The following RAB3B variants were observed in gnomAD, a reference collection of about 807,000 sequenced individuals.
RAB3B encodes ras-related protein Rab-3B.
RAB3B carries 11 observed loss-of-function variants against 20.5 expected under a neutral mutation model. The observed-to-expected ratio is 0.54, with a 90% CI of 0.34 to 0.89. The LOEUF (loss-of-function observed/expected upper bound fraction) is 0.89, where lower values mean the gene tolerates loss of function less well. Ranked by LOEUF, RAB3B falls within the 40% of genes least tolerant of loss-of-function variation. The pLI is 0.02. For synonymous variants in RAB3B, 99 were observed against 106.3 expected, an observed-to-expected ratio of 0.93 and a Z score of 0.42; for missense variants, 225 against 280.9, an observed-to-expected ratio of 0.80 and a Z score of 1.42.
chr1:51,919,359 G>A lies in RAB3B; in HGVS notation c.*568C>T, dbSNP rs1684135867. On this transcript the variant is annotated 3_prime_UTR_variant, in exon 5 of 5. Transcript: ENST00000371655. ...CATTAGAGAGTCTGAGCTCTCTGAA[G>A]ATTAGCTCTTCCTGTCGCCACAGCA... The A allele has an allele frequency of 6.6e-6, 1 of 152,426 alleles. No individual in the cohort carries two copies. The allele number at this position is 152,426 out of a possible 1,614,324, so 9.4% of individuals were successfully genotyped here. A position where few individuals can be genotyped will look rare whatever the true frequency, so the allele number is the denominator to read the frequency against.
At chr1:51,937,065 C>T (rs543961417) in intron 3 of RAB3B, among the ~76,000 whole-genome samples, 7 of 152,218 alleles carry the variant, frequency 4.6e-5, no homozygotes, top group African/African-American at 9.6e-5. Flanking sequence ...CTGGCTGCCT[C>T]GGCCTCCCAA....
Position 51,978,226 on chromosome 1 carries a change from A to G in RAB3B, c.1-1109T>C, listed in dbSNP as rs192667265. 2.2e-4 allele frequency among the ~76,000 whole-genome samples: 34 copies of G among 152,340 alleles called. No individual in the cohort carries two copies. The East Asian group carries it at 5.8e-3, about 26-fold the overall frequency. ...TGGCTTCCAGCATGAATCCTAGCAC[A>G]TAATAAGCACTCAGGAAATGTGTGC... is the stretch of plus-strand genomic sequence containing the variant. On this transcript the variant is annotated intron_variant, in intron 1 of 4. Coordinates refer to ENST00000371655, the MANE Select transcript of RAB3B (RefSeq NM_002867.4).
chr1:51,989,103 G>GCGCGCGCACACACACACA (rs377673682), intron 1 of RAB3B, among the ~76,000 whole-genome samples: 11 of 132,676 alleles, frequency 8.3e-5, no homozygotes, highest in African/African-American at 1.7e-4. Context: ...CTGTGCGCGC[G>GCGCGCGCACACACACACA]CACACACACA....
At position 51,912,600 on chromosome 1, in the gene RAB3B, TA is replaced by T. The variant is rs55842249; in HGVS notation, c.*7326del. On this transcript the variant is annotated 3_prime_UTR_variant, in exon 5 of 5. Transcript: ENST00000371655. Reference sequence around the variant, plus strand: ...ATATATATATATATATATATATATATAAAAAATGTTACTCCTGTGAGACAGA... The same window carrying T: ...ATATATATATATATATATATATATATAAAAATGTTACTCCTGTGAGACAGA... 2 of 30,662 alleles carry T rather than the reference TA, an allele frequency of 6.5e-5. No homozygotes were observed. The highest frequency in any genetic ancestry group is 1.2e-4 in the Non-Finnish European group (2 of 16,052). 1.9% of individuals were successfully genotyped at this position (30,662 alleles called of 1,614,324 possible).
At chr1:51,950,010 G>A (rs527713641) in intron 2 of RAB3B, among the ~76,000 whole-genome samples, 3 of 152,206 alleles carry the variant, frequency 2.0e-5, no homozygotes, top group African/African-American at 7.2e-5. Context: ...GGAATGTGGG[G>A]TCTCTCACCC....
chr1:51,948,764 TC>T lies in RAB3B; in HGVS notation c.229-11353del, dbSNP rs1684596067. Among the ~76,000 whole-genome samples, 3 of 152,296 alleles carry T rather than the reference TC, an allele frequency of 2.0e-5. No homozygotes were observed. In the South Asian group the frequency reaches 6.2e-4, roughly 32 times the overall value. On this transcript the variant is annotated intron_variant, in intron 2 of 4. Transcript: ENST00000371655. ...TGAGCTTCTCCTTTGTACCACTCAC[TC>T]CCACTGTAATTTTGTATTTATTTGT...
At chr1:51,982,736 A>G (rs1030530971) in intron 1 of RAB3B, among the ~76,000 whole-genome samples, 14 of 151,922 alleles carry the variant, frequency 9.2e-5, no homozygotes, top group African/African-American at 3.4e-4. Context: ...GTGACAGAGC[A>G]AGACTCAATC....
chr1:51,985,620 A>C (rs756761970), intron 1 of RAB3B, among the ~76,000 whole-genome samples: 4 of 152,154 alleles, frequency 2.6e-5, no homozygotes, highest in Non-Finnish European at 4.4e-5. Context: ...CAGTGTCCTC[A>C]TCTGACAATA....
At chr1:51,942,229 C>T (rs1229136773) in intron 2 of RAB3B, among the ~76,000 whole-genome samples, 1 of 152,212 alleles carries the variant, frequency 6.6e-6, no homozygotes, top group Non-Finnish European at 1.5e-5. Context: ...TCCTCAGTCT[C>T]CCTAAACTAT....
Position 51,919,939 on chromosome 1 carries a change from G to C in RAB3B, c.648C>G (p.Asn216Lys). Residue 216 changes from asparagine (N) to lysine (K), a missense_variant, in exon 5 of 5, where the codon AAC (asparagine) becomes AAG (lysine). Transcript: ENST00000371655. ...AGGTGGGCCTTGCCTAGCATGAGCA[G>C]TTCTGCTGCAGCAGCGGTGGGGTGT... ...LSDTPPLLQQ[N>K]CSC The C allele has an allele frequency of 6.2e-7, 1 of 1,613,282 alleles. No homozygotes were observed. Among genetic ancestry groups the C allele is most frequent in the South Asian group, 1.1e-5 (1 of 90,980 alleles).
At chr1:51,946,944 C>G (rs1684573353) in intron 2 of RAB3B, among the ~76,000 whole-genome samples, 1 of 152,172 alleles carries the variant, frequency 6.6e-6, no homozygotes, top group Admixed American at 6.5e-5. Flanking sequence ...GATTCCAAAG[C>G]TTGTGCTGTT....
rs1684080269 is a variant in RAB3B, at chr1:51,916,055, T to G, written c.*3872A>C. The G allele has an allele frequency of 6.6e-6, 1 of 152,234 alleles. No homozygotes were observed. The highest frequency in any genetic ancestry group is 6.5e-5 in the Admixed American group (1 of 15,278). The allele number at this position is 152,234 out of a possible 1,614,324, so 9.4% of individuals were successfully genotyped here. The stretch of plus-strand genomic sequence containing the variant: ...GAGGAAGATTAAATCCAGGACAAGT[T>G]GCCACTAACACATATTACACAGCTT... On this transcript the variant is annotated 3_prime_UTR_variant, in exon 5 of 5. Transcript: ENST00000371655.
At chr1:51,951,470 T>C (rs1392185709) in intron 2 of RAB3B, among the ~76,000 whole-genome samples, 4 of 152,228 alleles carry the variant, frequency 2.6e-5, no homozygotes. Flanking sequence ...ATTCTGACTC[T>C]ACATCCAGTG....
At chr1:51,987,939 C>G (rs1685172322) in intron 1 of RAB3B, among the ~76,000 whole-genome samples, 1 of 151,966 alleles carries the variant, frequency 6.6e-6, no homozygotes, top group Non-Finnish European at 1.5e-5. Flanking sequence ...GTACAGTGGC[C>G]TGATCATAAC....
Position 51,911,207 on chromosome 1 carries a change from C to T in RAB3B, c.*8720G>A, listed in dbSNP as rs1683992748. 6.6e-6 allele frequency: 1 copy of T among 152,216 alleles called. No individual in the cohort carries two copies. Among genetic ancestry groups the T allele is most frequent in the Non-Finnish European group, 1.5e-5 (1 of 68,052 alleles). 9.4% of individuals were successfully genotyped at this position (152,216 alleles called of 1,614,324 possible). A position where few individuals can be genotyped will look rare whatever the true frequency, so the allele number is the denominator to read the frequency against. ...GATCCCTAGTCATAGGAAACTTTGC[C>T]TGTGCTGTCATCAGTGTCCATGGAG... On this transcript the variant is annotated 3_prime_UTR_variant, in exon 5 of 5. Coordinates refer to ENST00000371655, the MANE Select transcript of RAB3B (RefSeq NM_002867.4).
At chr1:51,958,139 C>T (rs1319389958) in intron 2 of RAB3B, among the ~76,000 whole-genome samples, 1 of 152,130 alleles carries the variant, frequency 6.6e-6, no homozygotes, top group East Asian at 1.9e-4. Flanking sequence ...GGCTCTAGTA[C>T]AGCATTTAAT....
Position 51,977,131 on chromosome 1 carries a change from C to T in RAB3B, c.1-14G>A. On this transcript the variant is annotated splice_polypyrimidine_tract_variant and intron_variant, in intron 1 of 4. Transcript: ENST00000371655. ...CACTGAAGCCATCTGCAAGAGAGAC[C>T]TAGAGTCACTCAGGAACAGACCTTC... The T allele has an allele frequency of 6.2e-7, 1 of 1,607,130 alleles. No homozygotes were observed. The highest frequency in any genetic ancestry group is 1.1e-5 in the South Asian group (1 of 90,846).
At chr1:51,947,677 C>T (rs1255198257) in intron 2 of RAB3B, among the ~76,000 whole-genome samples, 1 of 152,172 alleles carries the variant, frequency 6.6e-6, no homozygotes, top group Admixed American at 6.5e-5. Flanking sequence ...ACACGGTCGT[C>T]ACACATGCCA....
intron 2 of RAB3B, among the ~76,000 whole-genome samples, chr1:51,975,087 G>A (rs553885808): frequency 3.3e-5 from 5 of 152,196 alleles, no homozygotes; most frequent in South Asian, 4.1e-4. Context: ...GGTGGCACAC[G>A]CCTATAATTG....
Sources: allele counts gnomAD v4.1 joint callset (sites outside exome capture counted in the v4.1 genomes callset), GRCh38; gene constraint gnomAD v4.1.1; transcripts MANE v1.5; gene names NCBI Gene and HGNC (gene_info 2026-07-23, HGNC 2026-07-21).